PLXNA2: variants seen among roughly 807,000 people sequenced by gnomAD.
The protein encoded by PLXNA2 is plexin-A2.
Under a neutral mutation model 193.5 loss-of-function variants are expected in PLXNA2, and 91 were observed. The observed-to-expected ratio is 0.47, with a 90% CI of 0.40 to 0.56. The LOEUF (loss-of-function observed/expected upper bound fraction) is 0.56. Ranked by LOEUF, PLXNA2 falls within the 20% of genes least tolerant of loss-of-function variation. The pLI, the probability that PLXNA2 is intolerant of heterozygous loss-of-function variation, is 0.00. For synonymous variants in PLXNA2, 997 were observed against 1,027.3 expected, an observed-to-expected ratio of 0.97 and a Z score of 0.56; for missense variants, 1,995 against 2,503.2, an observed-to-expected ratio of 0.80 and a Z score of 4.33.
chr1:208,032,630 T>C (rs1053081082), intron 28 of PLXNA2, among the ~76,000 whole-genome samples: 3 of 151,900 alleles, frequency 2.0e-5, no homozygotes, highest in African/African-American at 7.2e-5. Flanking sequence ...TCTTTGATTG[T>C]CATACTTACA....
At chr1:208,110,458 T>C (rs112401667) in intron 4 of PLXNA2, among the ~76,000 whole-genome samples, 68 of 152,356 alleles carry the variant, frequency 4.5e-4, no homozygotes, top group Non-Finnish European at 7.5e-4. Context: ...GGCTCCTGGC[T>C]GGCCCCACCT....
At chr1:208,128,210 A>G (rs1282360578) in intron 4 of PLXNA2, among the ~76,000 whole-genome samples, 1 of 152,216 alleles carries the variant, frequency 6.6e-6, no homozygotes, top group Non-Finnish European at 1.5e-5. Context: ...GAGCCTCCAC[A>G]GTTATCTGTT....
intron 4 of PLXNA2, among the ~76,000 whole-genome samples, chr1:208,122,966 A>G (rs1667852655): frequency 6.6e-6 from 1 of 152,202 alleles, no homozygotes; most frequent in Admixed American, 6.5e-5. Context: ...TGCGCAATTC[A>G]ATGGTGTTTT....
Position 208,082,651 on chromosome 1 carries a change from C to A in PLXNA2, c.2299-143G>T. On this transcript the variant is annotated intron_variant, in intron 10 of 31. Transcript: ENST00000367033. This position sits in a 1 kb window ranked among gnomAD's most constrained non-coding sequence, Gnocchi z 4.2. ...GTCACTAATGCCAAGAGAATCCCAC[C>A]CAAGCCTCCTAGCTTGGCATTCAGT... 2.9e-6 allele frequency: 2 copies of A among 682,364 alleles called. No individual in the cohort carries two copies. The highest frequency in any genetic ancestry group is 1.6e-5 in the South Asian group (1 of 60,780). The allele number at this position is 682,364 out of a possible 1,614,324, so 42.3% of individuals were successfully genotyped here.
intron 13 of PLXNA2, among the ~76,000 whole-genome samples, chr1:208,059,617 A>G (rs1484734785): frequency 6.6e-6 from 1 of 152,212 alleles, no homozygotes; most frequent in African/African-American, 2.4e-5. Context: ...AGGGGTCAGG[A>G]GACTCAAGGT....
chr1:208,134,756 A>G (rs753011698), intron 4 of PLXNA2, among the ~76,000 whole-genome samples: 50 of 152,302 alleles, frequency 3.3e-4, no homozygotes, highest in Non-Finnish European at 5.6e-4. Context: ...CACCCTGGGA[A>G]GCCTTATCGC....
intron 11 of PLXNA2, among the ~76,000 whole-genome samples, chr1:208,079,723 A>C (rs17011884): frequency 0.019 from 2,842 of 152,298 alleles, 96 homozygotes; most frequent in African/African-American, 0.065. Context: ...ACTTCCTAGC[A>C]ATGTGAGAGA....
At chr1:208,179,856 A>G (rs1378901196) in intron 3 of PLXNA2, among the ~76,000 whole-genome samples, 1 of 152,130 alleles carries the variant, frequency 6.6e-6, no homozygotes, top group Non-Finnish European at 1.5e-5. Context: ...TCTTCCTTCT[A>G]CAGTATCCCC....
chr1:208,239,291 C>T (rs1023216386), intron 1 of PLXNA2, among the ~76,000 whole-genome samples: 1 of 152,118 alleles, frequency 6.6e-6, no homozygotes, highest in African/African-American at 2.4e-5. Context: ...ATTCAGAAAA[C>T]CCCCTTCTGC....
chr1:208,231,608 C>A lies in PLXNA2; in HGVS notation c.-81+12035G>T, dbSNP rs77125464. Reference sequence around the variant, plus strand: ...GGTTCTGAGTGTGCAAGGGACCCCACTGTAATACGAACAAGTATTTGTGCA... The same window carrying A: ...GGTTCTGAGTGTGCAAGGGACCCCAATGTAATACGAACAAGTATTTGTGCA... On this transcript the variant is annotated intron_variant, in intron 1 of 31. Coordinates refer to ENST00000367033, the MANE Select transcript of PLXNA2 (RefSeq NM_025179.4). Among the ~76,000 whole-genome samples the A allele has an allele frequency of 3.9e-5, 6 of 152,282 alleles. No individual in the cohort carries two copies. In the South Asian group the frequency reaches 1.2e-3, roughly 32 times the overall value.
At chr1:208,129,578 C>G (rs919589226) in intron 4 of PLXNA2, among the ~76,000 whole-genome samples, 1 of 152,230 alleles carries the variant, frequency 6.6e-6, no homozygotes, top group African/African-American at 2.4e-5. Flanking sequence ...CTCTCTCACA[C>G]TCCCAAGCTT....
At chr1:208,169,326 G>T (rs1212649515) in intron 3 of PLXNA2, among the ~76,000 whole-genome samples, 1 of 152,226 alleles carries the variant, frequency 6.6e-6, no homozygotes, top group African/African-American at 2.4e-5. Flanking sequence ...GTGATGACAA[G>T]ACACAGGGAG....
intron 13 of PLXNA2, among the ~76,000 whole-genome samples, chr1:208,056,635 C>A (rs1351141646): frequency 1.3e-5 from 2 of 152,084 alleles, no homozygotes; most frequent in African/African-American, 4.8e-5. Context: ...TATATTCAAG[C>A]ACCTAGGAGA....
rs138106140 is a variant in PLXNA2, at chr1:208,142,329, C to T, written c.1506G>A (p.Gln502=). ...AGCAGAGATGGATGTTAGCACTTAC[C>T]TGTCTCTCAGACATGACGTACAGGT... ...QRYLYVMSER[Q]VTRVPVESCE... is the part of the protein sequence containing the mutation. Residue 502 remains glutamine (Q), a splice_region_variant and synonymous_variant, in exon 4 of 32, where the codon CAG becomes CAA. Coordinates refer to ENST00000367033, the MANE Select transcript of PLXNA2 (RefSeq NM_025179.4). 66 of 1,592,124 alleles carry T rather than the reference C, an allele frequency of 4.1e-5. 1 individual carries two copies. Among genetic ancestry groups the T allele is most frequent in the African/African-American group, 3.2e-4 (24 of 74,004 alleles).
chr1:208,066,277 G>A lies in PLXNA2; in HGVS notation c.2587-5440C>T, dbSNP rs1571878766. Among the ~76,000 whole-genome samples the A allele has an allele frequency of 3.3e-5, 5 of 152,350 alleles. No individual in the cohort carries two copies. The South Asian group carries it at 1.0e-3, about 32-fold the overall frequency. On this transcript the variant is annotated intron_variant, in intron 12 of 31. Transcript: ENST00000367033. ...AATATCCTAGAAGCAGCCTGCTGCT[G>A]TTGGGTTGGGGCGAAAGGGGTCACT...
chr1:208,239,871 G>A (rs545634417), intron 1 of PLXNA2, among the ~76,000 whole-genome samples: 1 of 152,356 alleles, frequency 6.6e-6, no homozygotes, highest in South Asian at 2.1e-4. Flanking sequence ...GTGAGGAAGA[G>A]GTGAGTGGGG....
chr1:208,079,381 T>C lies in PLXNA2; in HGVS notation c.2465A>G (p.Glu822Gly), dbSNP rs1666259249. 1 of 1,613,702 alleles carries C rather than the reference T, an allele frequency of 6.2e-7. No individual in the cohort carries two copies. Among genetic ancestry groups the C allele is most frequent in the African/African-American group, 1.3e-5 (1 of 74,920 alleles). Residue 822 changes from glutamate to glycine, a missense_variant, in exon 12 of 32, where the codon GAG (glutamate) becomes GGG (glycine). This residue lies in a region of PLXNA2 where 1,291 missense variants were observed against 1,673.6 expected (regional missense o/e 0.77). Coordinates refer to ENST00000367033, the MANE Select transcript of PLXNA2 (RefSeq NM_025179.4). ...GCGCTCGCCGCTGCACCAGCCACAC[T>C]CAAACTTCCGGTCGGCCTTGAGGCA... is the stretch of plus-strand genomic sequence containing the variant. ...GLCLKADRKF[E>G]CGWCSGERRC...
chr1:208,052,102 C>T (rs1203372788), intron 15 of PLXNA2, among the ~76,000 whole-genome samples: 2 of 152,164 alleles, frequency 1.3e-5, no homozygotes, highest in African/African-American at 4.8e-5. Flanking sequence ...TCTCATGGCC[C>T]TCACTTCTCA....
At chr1:208,058,001 C>A (rs989918510) in intron 13 of PLXNA2, among the ~76,000 whole-genome samples, 1 of 152,184 alleles carries the variant, frequency 6.6e-6, no homozygotes, top group Non-Finnish European at 1.5e-5. Flanking sequence ...CCTGGTTCAT[C>A]CACAGCTGAG....
Sources: allele counts gnomAD v4.1 joint callset (sites outside exome capture counted in the v4.1 genomes callset), GRCh38; gene constraint gnomAD v4.1.1; regional missense constraint gnomAD v4.1.1; non-coding constraint Gnocchi (gnomAD v3.1); transcripts MANE v1.5; gene names NCBI Gene and HGNC (gene_info 2026-07-23, HGNC 2026-07-21).